The following USP32 variants were observed in gnomAD, a reference collection of about 807,000 sequenced individuals.
USP32 encodes the protein ubiquitin carboxyl-terminal hydrolase 32.
USP32 carries 59 observed loss-of-function variants against 204.8 expected under a neutral mutation model. That is an observed-to-expected ratio of 0.29 (90% CI 0.23 to 0.36). The LOEUF is 0.36. Among genes scored for constraint, USP32 ranks in the 10% least tolerant of loss-of-function variants. The pLI is 1.00. For synonymous variants in USP32, 517 were observed against 678.4 expected (o/e 0.76, Z 3.70); for missense variants, 1,160 against 1,946.4 (o/e 0.60, Z 7.60).
At chr17:60,253,951 G>A (rs1479935738) in intron 10 of USP32, among the ~76,000 whole-genome samples, 3 of 152,044 alleles carry the variant, frequency 2.0e-5, no homozygotes, top group African/African-American at 7.2e-5. Flanking sequence ...AGGCCTATCA[G>A]ATTATATATG....
chr17:60,285,563 C>T (rs1417486378), intron 5 of USP32, among the ~76,000 whole-genome samples: 1 of 152,072 alleles, frequency 6.6e-6, no homozygotes, highest in African/African-American at 2.4e-5. Context: ...CTGCAGACCC[C>T]CTCTGCCGGA....
At chr17:60,280,241 C>G (rs768968478) in intron 5 of USP32, among the ~76,000 whole-genome samples, 7 of 152,170 alleles carry the variant, frequency 4.6e-5, no homozygotes, top group African/African-American at 1.7e-4. Flanking sequence ...GGATTACAGG[C>G]GTCCACCACC....
intron 1 of USP32, among the ~76,000 whole-genome samples, chr17:60,383,230 C>A (rs2089676014): frequency 7.8e-6 from 1 of 128,894 alleles, no homozygotes. Flanking sequence ...CGACAGACAT[C>A]GTCCCAAAAA....
intron 1 of USP32, among the ~76,000 whole-genome samples, chr17:60,363,756 C>T (rs1819450409): frequency 6.6e-6 from 1 of 151,892 alleles, no homozygotes; most frequent in Non-Finnish European, 1.5e-5. Flanking sequence ...ACCTCAGCCT[C>T]CCAAAATGCT....
chr17:60,373,092 A>T (rs2089472091), intron 1 of USP32, among the ~76,000 whole-genome samples: 1 of 152,084 alleles, frequency 6.6e-6, no homozygotes, highest in African/African-American at 2.4e-5. Context: ...GCTAGAGGCT[A>T]AAGTGGGAGA....
chr17:60,223,618 T>A lies in USP32; in HGVS notation c.1433-32A>T, dbSNP rs749869681. ...AAAAAAAAGAGGATAGAATCTCTTATTTTTAGTTATTATACATAAACAGGC... is the reference window on the plus strand; with the variant it reads ...AAAAAAAAGAGGATAGAATCTCTTAATTTTAGTTATTATACATAAACAGGC... On this transcript the variant is annotated intron_variant, in intron 13 of 33. Coordinates refer to ENST00000300896, the MANE Select transcript of USP32 (RefSeq NM_032582.4). The A allele has an allele frequency of 2.6e-6, 4 of 1,562,050 alleles. No individual in the cohort carries two copies. The South Asian group carries it at 4.8e-5, about 19-fold the overall frequency.
intron 2 of USP32, among the ~76,000 whole-genome samples, chr17:60,337,510 C>T (rs777132253): frequency 2.0e-5 from 3 of 152,208 alleles, no homozygotes; most frequent in Non-Finnish European, 2.9e-5. Flanking sequence ...ATCAAATATT[C>T]GCTAAGTATA....
intron 2 of USP32, among the ~76,000 whole-genome samples, chr17:60,314,951 A>G (rs2087937513): frequency 1.3e-5 from 2 of 152,220 alleles, no homozygotes. Flanking sequence ...AGAAAAAAAC[A>G]GCCTAGGATT....
intron 9 of USP32, 125 bp from the exon 10 acceptor site, chr17:60,255,383 G>T: frequency 3.2e-6 from 2 of 620,182 alleles, no homozygotes; most frequent in Non-Finnish European, 5.2e-6. Flanking sequence ...CTGAAACCTC[G>T]GCCTCCTGGG....
rs552453509 is a variant in USP32 at position 60,198,134 on chromosome 17, T to C, written c.3434+126A>G. The C allele has an allele frequency of 1.5e-5, 19 of 1,255,308 alleles. No homozygotes were observed. The African/African-American group carries it at 2.3e-4, about 15-fold the overall frequency. 77.8% of individuals were successfully genotyped at this position (1,255,308 alleles called of 1,614,324 possible). ...AACCAAATGGTTGAATTGTATGCTG[T>C]CTGAGTGGTTCTTCCAAGAGTGATT... On this transcript the variant is annotated intron_variant, in intron 27 of 33. Transcript: ENST00000300896.
chr17:60,256,650 G>A (rs1009264211), intron 9 of USP32: 2 of 1,035,726 alleles, frequency 1.9e-6, no homozygotes, highest in South Asian at 7.1e-5. Flanking sequence ...TAACAGGAGT[G>A]TCTAAATTGT....
intron 2 of USP32, among the ~76,000 whole-genome samples, chr17:60,323,727 G>T (rs149394391): frequency 1.8e-4 from 27 of 152,284 alleles, no homozygotes; most frequent in Admixed American, 3.3e-4. Context: ...CTCCTATAAG[G>T]CTTTTTATAT....
rs762332525 is a variant in USP32 at position 60,190,593 on chromosome 17, A to G, written c.3612T>C (p.Leu1204=). ...CCTGGGATGTTTGATAGCGAAGGTG[A>G]AGGGCTGTGGGATCCCAATCCACAG... ...YIAVDWDPTA[L]HLRYQTSQER... is the part of the protein sequence containing the mutation. Residue 1204 remains leucine (L), a synonymous_variant, in exon 29 of 34, where the codon CTT becomes CTC. Transcript: ENST00000300896. 1 of 1,595,506 alleles carries G rather than the reference A, an allele frequency of 6.3e-7. No individual in the cohort carries two copies. Among genetic ancestry groups the G allele is most frequent in the Non-Finnish European group, 8.5e-7 (1 of 1,174,584 alleles).
chr17:60,239,058 G>A (rs1210877355), intron 11 of USP32, among the ~76,000 whole-genome samples: 2 of 152,174 alleles, frequency 1.3e-5, no homozygotes, highest in Non-Finnish European at 2.9e-5. Flanking sequence ...ACATTCCACT[G>A]CAAAATTCAA....
At chr17:60,392,879 C>CA (rs946716019), upstream of USP32, among the ~76,000 whole-genome samples, 11 of 152,234 alleles carry the variant, frequency 7.2e-5, no homozygotes, top group Middle Eastern at 3.4e-3. Context: ...AAGCGCTGTG[C>CA]AAAAGGCTTA....
chr17:60,325,012 C>A (rs1296865954), intron 2 of USP32, among the ~76,000 whole-genome samples: 1 of 151,824 alleles, frequency 6.6e-6, no homozygotes, highest in Admixed American at 6.6e-5. Context: ...TCAAAAAAAA[C>A]AAAAAACTGT....
chr17:60,390,536 AG>A (rs898304442), intron 1 of USP32, among the ~76,000 whole-genome samples: 5 of 152,204 alleles, frequency 3.3e-5, no homozygotes, highest in African/African-American at 1.2e-4. Context: ...CTGTTCCACA[AG>A]GGAAAAAGAA....
chr17:60,402,427 T>C (rs1425615255), intron 1 of USP32, among the ~76,000 whole-genome samples: 2 of 151,988 alleles, frequency 1.3e-5, no homozygotes, highest in African/African-American at 2.4e-5. Context: ...ATTTGTTTAT[T>C]TTTTGTAGAG....
chr17:60,360,914 A>T (rs537373131), intron 1 of USP32, among the ~76,000 whole-genome samples: 17 of 152,038 alleles, frequency 1.1e-4, no homozygotes, highest in Non-Finnish European at 2.4e-4. Context: ...AGATCGCTTG[A>T]AGTCAGGAGT....
Sources: allele counts gnomAD v4.1 joint callset (sites outside exome capture counted in the v4.1 genomes callset), GRCh38; gene constraint gnomAD v4.1.1; transcripts MANE v1.5; gene names NCBI Gene and HGNC (gene_info 2026-07-23, HGNC 2026-07-21).